CAMK2D: variants seen among roughly 807,000 people sequenced by gnomAD.
The protein encoded by CAMK2D is calcium/calmodulin dependent protein kinase II delta.
A neutral mutation model predicts 84.0 loss-of-function variants in CAMK2D; 37 were observed. That is an observed-to-expected ratio of 0.44 (90% CI 0.34 to 0.58). The LOEUF (loss-of-function observed/expected upper bound fraction) is 0.58. CAMK2D is among the 20% of genes least tolerant of loss of function. The probability of loss-of-function intolerance (pLI) is 0.02; values close to 1 mark genes in which losing one functional copy is unlikely to be tolerated. For missense variants in CAMK2D, 448 were observed against 652.5 expected (o/e 0.69, Z 3.41); for synonymous variants, 202 against 212.5 (o/e 0.95, Z 0.43).
At chr4:113,486,814 A>G (rs1180292460) in intron 16 of CAMK2D, among the ~76,000 whole-genome samples, 1 of 152,228 alleles carries the variant, frequency 6.6e-6, no homozygotes, top group African/African-American at 2.4e-5. Flanking sequence ...GCTATTGATC[A>G]CGATTCACTC....
intron 5 of CAMK2D, among the ~76,000 whole-genome samples, chr4:113,550,170 A>AT (rs903155663): frequency 4.6e-5 from 7 of 152,248 alleles, no homozygotes; most frequent in East Asian, 1.9e-4. Context: ...AATTTTTACA[A>AT]TTTTTTGACA....
At chr4:113,637,676 T>C (rs1157087718) in intron 3 of CAMK2D, among the ~76,000 whole-genome samples, 1 of 152,174 alleles carries the variant, frequency 6.6e-6, no homozygotes, top group African/African-American at 2.4e-5. Context: ...CTTAGAGATT[T>C]ACTGTGGTAT....
chr4:113,456,579 AATTCT>A (rs2097306556), intron 19 of CAMK2D: 1 of 152,138 alleles, frequency 6.6e-6, no homozygotes, highest in Non-Finnish European at 1.5e-5. Flanking sequence ...TTTTGTCCAA[AATTCT>A]ATCTTATATA....
In CAMK2D at chr4:113,451,894, AG is replaced by A. The variant is rs922300383; in HGVS notation, c.*2650del. The A allele has an allele frequency of 1.3e-5, 2 of 152,264 alleles. No homozygotes were observed. The highest frequency in any genetic ancestry group is 6.5e-5 in the Admixed American group (1 of 15,272). The allele number at this position is 152,264 out of a possible 1,614,324, so 9.4% of individuals were successfully genotyped here. On this transcript the variant is annotated 3_prime_UTR_variant, in exon 21 of 21. Transcript: ENST00000511664. ...AGCATGATGCTGTACACTGAATCTT[AG>A]GAAAAAGTAAGAAGTCGGGAAAAGA...
intron 2 of CAMK2D, among the ~76,000 whole-genome samples, chr4:113,736,997 CTATT>C (rs1308088503): frequency 5.1e-4 from 77 of 152,272 alleles, no homozygotes; most frequent in Non-Finnish European, 8.8e-5. Context: ...TCCAACATCT[CTATT>C]TATGTCATAG....
At chr4:113,498,103 T>G (rs2154146969) in intron 16 of CAMK2D, among the ~76,000 whole-genome samples, 1 of 152,228 alleles carries the variant, frequency 6.6e-6, no homozygotes, top group South Asian at 2.1e-4. Flanking sequence ...ATAGGTAAAT[T>G]TTGGTTTCAA....
chr4:113,623,659 A>G (rs1171910335), intron 3 of CAMK2D, among the ~76,000 whole-genome samples: 2 of 152,220 alleles, frequency 1.3e-5, no homozygotes, highest in Non-Finnish European at 2.9e-5. Context: ...CATAGAAAAG[A>G]TAACAGTAAA....
intron 4 of CAMK2D, among the ~76,000 whole-genome samples, chr4:113,582,489 T>C (rs11933246): frequency 0.7 from 106,603 of 151,800 alleles, 37,622 homozygotes; most frequent in Middle Eastern, 0.74. Context: ...AGTATGTTTC[T>C]ATCATTAACT....
chr4:113,690,793 G>A (rs1022358556), intron 2 of CAMK2D, among the ~76,000 whole-genome samples: 1 of 152,118 alleles, frequency 6.6e-6, no homozygotes, highest in Admixed American at 6.5e-5. Flanking sequence ...TGCAATTTGA[G>A]AGATTTATAA....
chr4:113,689,040 C>A (rs771147602), intron 2 of CAMK2D, among the ~76,000 whole-genome samples: 12 of 151,238 alleles, frequency 7.9e-5, no homozygotes, highest in Non-Finnish European at 1.6e-4. Flanking sequence ...GTCAAGAGAT[C>A]GAGACCATCC....
chr4:113,486,363 G>A (rs13102179), intron 16 of CAMK2D, among the ~76,000 whole-genome samples: 29,538 of 151,994 alleles, frequency 0.19, 3,237 homozygotes, highest in Non-Finnish European at 0.26. Flanking sequence ...GGCCTCAAAA[G>A]ATCCTCTGGC....
intron 2 of CAMK2D, among the ~76,000 whole-genome samples, chr4:113,709,452 A>C (rs1404591009): frequency 6.6e-6 from 1 of 151,976 alleles, no homozygotes; most frequent in Non-Finnish European, 1.5e-5. Flanking sequence ...ACAAACAGAA[A>C]AAATTAGTAG....
At chr4:113,510,913 T>C (rs1261318000) in intron 12 of CAMK2D, among the ~76,000 whole-genome samples, 1 of 152,172 alleles carries the variant, frequency 6.6e-6, no homozygotes, top group Non-Finnish European at 1.5e-5. Context: ...ATAGTTGCCT[T>C]AGCCATTATA....
intron 2 of CAMK2D, 115 bp downstream of exon 2, chr4:113,759,205 T>G: frequency 1.7e-6 from 1 of 575,424 alleles, no homozygotes; most frequent in African/African-American, 1.9e-5. Flanking sequence ...ATATATAATA[T>G]GATACCTAAG....
intron 19 of CAMK2D, 82 bp from the exon 20 acceptor site, chr4:113,455,903 G>C: frequency 1.2e-6 from 1 of 823,796 alleles, no homozygotes; most frequent in South Asian, 1.4e-5. Flanking sequence ...ACACTTCAGG[G>C]AACTGCAAAA....
chr4:113,616,397 C>A (rs1328534893), intron 3 of CAMK2D, among the ~76,000 whole-genome samples: 1 of 152,096 alleles, frequency 6.6e-6, no homozygotes, highest in Admixed American at 6.6e-5. Context: ...AGATTAAAAG[C>A]CAAGTTTAGA....
chr4:113,487,473 T>C (rs1332571266), intron 16 of CAMK2D, among the ~76,000 whole-genome samples: 2 of 152,230 alleles, frequency 1.3e-5, no homozygotes, highest in African/African-American at 4.8e-5. Context: ...CAGAATTACA[T>C]AAAATTCATA....
chr4:113,470,980 C>T (rs2097540763), intron 16 of CAMK2D, among the ~76,000 whole-genome samples: 1 of 152,126 alleles, frequency 6.6e-6, no homozygotes, highest in African/African-American at 2.4e-5. Context: ...TGGTGATAAC[C>T]AGACAGCCTT....
At chr4:113,714,263 T>C (rs915484027) in intron 2 of CAMK2D, among the ~76,000 whole-genome samples, 1 of 152,126 alleles carries the variant, frequency 6.6e-6, no homozygotes, top group African/African-American at 2.4e-5. Context: ...CATATCAGTA[T>C]GTTTCCTTTT....
Sources: gnomAD v4.1 joint callset for allele counts (sites outside exome capture counted in the v4.1 genomes callset) on GRCh38, gnomAD v4.1.1 for gene constraint, MANE v1.5 for transcripts, NCBI Gene and HGNC (gene_info 2026-07-23, HGNC 2026-07-21) for gene names.